MYOZ1: variants seen among roughly 807,000 people sequenced by gnomAD.
MYOZ1 encodes myozenin-1.
Under a neutral mutation model 28.7 loss-of-function variants are expected in MYOZ1, and 20 were observed. That is an observed-to-expected ratio of 0.70 (90% CI 0.49 to 1.01). The LOEUF (loss-of-function observed/expected upper bound fraction) is 1.01. Among genes scored for constraint, MYOZ1 ranks in the 50% least tolerant of loss-of-function variants. The pLI is 0.00. For synonymous variants in MYOZ1, 144 were observed against 145.8 expected (o/e 0.99, Z 0.09); for missense variants, 371 against 372.4 (o/e 1.00, Z 0.03).
chr10:73,637,020 T>C (rs2081671474), intron 3 of MYOZ1, among the ~76,000 whole-genome samples: 1 of 148,900 alleles, frequency 6.7e-6, no homozygotes, highest in Admixed American at 6.6e-5. Flanking sequence ...CTTTCTTTTT[T>C]TTTTTTTTTT....
At chr10:73,635,444 C>A (rs2081662302) in intron 3 of MYOZ1, among the ~76,000 whole-genome samples, 1 of 152,040 alleles carries the variant, frequency 6.6e-6, no homozygotes, top group Admixed American at 6.6e-5. Context: ...TGCAGTGACA[C>A]AATCTCGGCT....
At chr10:73,637,034 A>C (rs2081671667) in intron 3 of MYOZ1, among the ~76,000 whole-genome samples, 1 of 112,962 alleles carries the variant, frequency 8.9e-6, no homozygotes, top group African/African-American at 4.2e-5. Flanking sequence ...TTTTTTTGAG[A>C]CAGAGTTTCA....
chr10:73,633,060 C>T (rs1460509528), intron 5 of MYOZ1, among the ~76,000 whole-genome samples: 1 of 151,022 alleles, frequency 6.6e-6, no homozygotes, highest in East Asian at 2.0e-4. Flanking sequence ...ACTTTGGGAG[C>T]CCGAGGCGGG....
At chr10:73,636,233 TCTC>T (rs1357452040) in intron 3 of MYOZ1, among the ~76,000 whole-genome samples, 15 of 152,226 alleles carry the variant, frequency 9.9e-5, no homozygotes, top group African/African-American at 3.6e-4. Flanking sequence ...CCCTCTCCAG[TCTC>T]CTCTTTCTTT....
At chr10:73,634,437 C>T in intron 4 of MYOZ1, 47 bp downstream of exon 4, 1 of 1,604,084 alleles carries the variant, frequency 6.2e-7, no homozygotes, top group Non-Finnish European at 8.5e-7. Context: ...CCTGGGACAA[C>T]TCTGCTCTAG....
intron 2 of MYOZ1, among the ~76,000 whole-genome samples, chr10:73,638,776 C>T (rs888927906): frequency 2.6e-5 from 4 of 151,538 alleles, no homozygotes; most frequent in Non-Finnish European, 5.9e-5. Flanking sequence ...AAGTGATTCT[C>T]CTCCCTCAGT....
chr10:73,638,137 T>C (rs1383257059), intron 2 of MYOZ1, among the ~76,000 whole-genome samples: 1 of 151,710 alleles, frequency 6.6e-6, no homozygotes, highest in African/African-American at 2.4e-5. Flanking sequence ...ATAATGGGAA[T>C]ACTAGAGTGG....
At position 73,634,708 on chromosome 10, in the gene MYOZ1, G is replaced by A. The variant is rs762712605; in HGVS notation, c.278C>T (p.Thr93Ile). ...SMDHFQKFLPTVGGQLGTAGQ... is the reference protein window; with the variant it reads ...SMDHFQKFLPIVGGQLGTAGQ... The stretch of plus-strand genomic sequence containing the variant: ...AGCTGTGCCCAGCTGTCCCCCCACT[G>A]TTGGAAGGAACTTCTGGAAGTGATC... Residue 93 changes from threonine (T) to isoleucine (I), a missense_variant, in exon 4 of 6, where the codon ACA becomes ATA. Thr to Ile is a moderately conservative substitution (Grantham distance 89). Transcript: ENST00000359322. The A allele has an allele frequency of 2.5e-6, 4 of 1,613,812 alleles. No homozygotes were observed. The highest frequency in any genetic ancestry group is 3.4e-6 in the Non-Finnish European group (4 of 1,179,690).
At position 73,634,003 on chromosome 10, in the gene MYOZ1, C is replaced by T. The variant is rs771470768; in HGVS notation, c.565G>A (p.Glu189Lys). 4.3e-6 allele frequency: 7 copies of T among 1,613,924 alleles called. No homozygotes were observed. The highest frequency in any genetic ancestry group is 5.9e-6 in the Non-Finnish European group (7 of 1,179,970). The stretch of plus-strand genomic sequence containing the variant: ...TGGGGGTCAACCCCCATGGCTCGCT[C>T]CCATGGGGAAATATAGGTCTTGAAC... Reference protein sequence around the residue: ...TVFKTYISPWERAMGVDPQQK... With the variant: ...TVFKTYISPWKRAMGVDPQQK... Residue 189 changes from glutamate (E) to lysine (K), a missense_variant, in exon 5 of 6, where the codon GAG becomes AAG. Transcript: ENST00000359322.
intron 2 of MYOZ1, among the ~76,000 whole-genome samples, chr10:73,638,911 C>T (rs1286340356): frequency 6.6e-6 from 1 of 150,940 alleles, no homozygotes; most frequent in African/African-American, 2.4e-5. Context: ...GATGATTGGC[C>T]CACCTCAGCC....
In MYOZ1 at chr10:73,631,849, A is replaced by G; in HGVS notation, c.*81T>C. 1 of 1,212,874 alleles carries G rather than the reference A, an allele frequency of 8.2e-7. No individual in the cohort carries two copies. Among genetic ancestry groups the G allele is most frequent in the South Asian group, 1.3e-5 (1 of 77,714 alleles). The allele number at this position is 1,212,874 out of a possible 1,614,324, so 75.1% of individuals were successfully genotyped here. A position where few individuals can be genotyped will look rare whatever the true frequency, so the allele number is the denominator to read the frequency against. On this transcript the variant is annotated 3_prime_UTR_variant, in exon 6 of 6. Transcript: ENST00000359322. The stretch of plus-strand genomic sequence containing the variant: ...ATTCCCATAAGGATACTGGATTAAC[A>G]ATGGGGGCTATCTGCTCAGCATTCC...
At chr10:73,633,672 C>T (rs2081649345) in intron 5 of MYOZ1, among the ~76,000 whole-genome samples, 1 of 152,292 alleles carries the variant, frequency 6.6e-6, no homozygotes, top group South Asian at 2.1e-4. Flanking sequence ...TAATAAATGA[C>T]CATTGAGCTA....
Position 73,632,303 on chromosome 10 carries a change from A to G in MYOZ1, c.669-142T>C. ...TCTGTACTCCTTCTTCTTCCTTAGC[A>G]TCCCATTTTGCCTTCCTGGTTAGCT... is the stretch of plus-strand genomic sequence containing the variant. On this transcript the variant is annotated intron_variant, in intron 5 of 5. Transcript: ENST00000359322. 3.9e-6 allele frequency: 3 copies of G among 762,042 alleles called. No individual in the cohort carries two copies. In the South Asian group the frequency reaches 5.6e-5, roughly 14 times the overall value. 47.2% of individuals were successfully genotyped at this position (762,042 alleles called of 1,614,324 possible).
chr10:73,640,622 G>A (rs184443049), intron 1 of MYOZ1, among the ~76,000 whole-genome samples: 269 of 152,230 alleles, frequency 1.8e-3, no homozygotes, highest in Non-Finnish European at 3.1e-3. Flanking sequence ...GCTAGGTGTG[G>A]GGAGTGTTTA....
Position 73,632,173 on chromosome 10 carries a change from A to G in MYOZ1, c.669-12T>C. On this transcript the variant is annotated splice_polypyrimidine_tract_variant and intron_variant, in intron 5 of 5. Coordinates refer to ENST00000359322, the MANE Select transcript of MYOZ1 (RefSeq NM_021245.4). ...AGGGCATTGCCGTCCTGAGAAGGGGACACATTATTTAATTAAGAATCAGAA... is the reference window on the plus strand; with the variant it reads ...AGGGCATTGCCGTCCTGAGAAGGGGGCACATTATTTAATTAAGAATCAGAA... The G allele has an allele frequency of 6.2e-7, 1 of 1,604,770 alleles. No homozygotes were observed. The highest frequency in any genetic ancestry group is 8.5e-7 in the Non-Finnish European group (1 of 1,171,644).
rs545581367 is a variant in MYOZ1 at position 73,637,914 on chromosome 10, C to T, written c.82G>A (p.Glu28Lys). The change falls in exon 3 of 6, where the codon GAG (glutamate) becomes AAG (lysine). Residue 28 changes from glutamate (E) to lysine (K), a missense_variant. Coordinates refer to ENST00000359322, the MANE Select transcript of MYOZ1 (RefSeq NM_021245.4). ...LIMELTGGGQ[E>K]SSGLNLGKKI... ...TTGCCCAGGTTCAAGCCTGAGCTCT[C>T]CTGTCCACCTTTCAGGGAGGCAAAG... 38 of 1,606,616 alleles carry T rather than the reference C, an allele frequency of 2.4e-5. No homozygotes were observed. The South Asian group carries it at 4.2e-4, about 18-fold the overall frequency.
chr10:73,636,677 A>C (rs552734654), intron 3 of MYOZ1, among the ~76,000 whole-genome samples: 133 of 152,248 alleles, frequency 8.7e-4, no homozygotes, highest in African/African-American at 3.2e-3. Context: ...GCTGGTCTCC[A>C]ACTCCTGGAC....
intron 1 of MYOZ1, among the ~76,000 whole-genome samples, chr10:73,640,530 T>C (rs1471661214): frequency 6.6e-6 from 1 of 152,090 alleles, no homozygotes; most frequent in Non-Finnish European, 1.5e-5. Flanking sequence ...GGACAGGAAG[T>C]ATAGATGCAC....
At chr10:73,635,404 C>T (rs1023591535) in intron 3 of MYOZ1, among the ~76,000 whole-genome samples, 1 of 151,800 alleles carries the variant, frequency 6.6e-6, no homozygotes, top group African/African-American at 2.4e-5. Flanking sequence ...CTTTTTGAGA[C>T]AGAATCTGGC....
Sources: allele counts gnomAD v4.1 joint callset (sites outside exome capture counted in the v4.1 genomes callset), GRCh38; gene constraint gnomAD v4.1.1; transcripts MANE v1.5; gene names NCBI Gene and HGNC (gene_info 2026-07-23, HGNC 2026-07-21).